The following NAV2 variants were observed in gnomAD, a reference collection of about 807,000 sequenced individuals.
NAV2 encodes helicase, APC down-regulated 1.
Under a neutral mutation model 223.2 loss-of-function variants are expected in NAV2, and 54 were observed. The ratio of observed to expected loss-of-function variants is 0.24; its 90% CI spans 0.19 to 0.30. The LOEUF is 0.30. Among genes scored for constraint, NAV2 ranks in the 10% least tolerant of loss-of-function variants. The probability of loss-of-function intolerance (pLI) is 1.00; values close to 1 mark genes in which losing one functional copy is unlikely to be tolerated. For synonymous variants in NAV2, 1,279 were observed against 1,239.3 expected, an observed-to-expected ratio of 1.03 and a Z score of -0.67; for missense variants, 2,806 against 3,147.5, an observed-to-expected ratio of 0.89 and a Z score of 2.60.
chr11:19,379,194 G>A (rs1291930969), intron 1 of NAV2, among the ~76,000 whole-genome samples: 1 of 152,180 alleles, frequency 6.6e-6, no homozygotes, highest in Non-Finnish European at 1.5e-5. Flanking sequence ...GAAACTTGCA[G>A]TGTGGCTCAG....
intron 1 of NAV2, among the ~76,000 whole-genome samples, chr11:19,529,809 C>A (rs2082728656): frequency 6.6e-6 from 1 of 152,174 alleles, no homozygotes; most frequent in Non-Finnish European, 1.5e-5. Context: ...GGGCCTCCTG[C>A]CCTACATAGG....
At chr11:19,742,067 C>T (rs1295376101) in intron 1 of NAV2, among the ~76,000 whole-genome samples, 1 of 152,104 alleles carries the variant, frequency 6.6e-6, no homozygotes, top group Non-Finnish European at 1.5e-5. Flanking sequence ...ATATCTGCAT[C>T]TCACTATAGT....
intron 20 of NAV2, among the ~76,000 whole-genome samples, chr11:20,064,913 A>C (rs909999509): frequency 6.6e-6 from 1 of 152,170 alleles, no homozygotes; most frequent in African/African-American, 2.4e-5. Context: ...TCAGGAAACC[A>C]AGCAAGGTGA....
At chr11:20,067,885 T>G (rs1158753387) in intron 20 of NAV2, among the ~76,000 whole-genome samples, 1 of 152,062 alleles carries the variant, frequency 6.6e-6, no homozygotes, top group East Asian at 1.9e-4. Context: ...TTATCACATA[T>G]CTTCTTCTGA....
chr11:19,555,803 A>G (rs1218728939), intron 1 of NAV2, among the ~76,000 whole-genome samples: 1 of 152,114 alleles, frequency 6.6e-6, no homozygotes, highest in Non-Finnish European at 1.5e-5. Flanking sequence ...CTCTGCTCCC[A>G]TGGTGCCTGG....
chr11:19,466,185 C>T (rs1046660879), intron 1 of NAV2, among the ~76,000 whole-genome samples: 2 of 152,170 alleles, frequency 1.3e-5, no homozygotes, highest in African/African-American at 4.8e-5. Context: ...TTATAAAAGC[C>T]TTGTCTCTGT....
At chr11:19,598,023 G>A (rs2046251526) in intron 1 of NAV2, among the ~76,000 whole-genome samples, 1 of 152,248 alleles carries the variant, frequency 6.6e-6, no homozygotes, top group Non-Finnish European at 1.5e-5. Flanking sequence ...TATGACCCAT[G>A]CCAATGGCAT....
In NAV2 at chr11:20,119,711, A is replaced by G. The variant is rs1464406904; in HGVS notation, c.*1453A>G. 6.6e-6 allele frequency: 1 copy of G among 152,434 alleles called. No homozygotes were observed. The highest frequency in any genetic ancestry group is 1.5e-5 in the Non-Finnish European group (1 of 68,012). 9.4% of individuals were successfully genotyped at this position (152,434 alleles called of 1,614,324 possible). ...TGTTTTTTTTGTCATTGTTTTCCCC[A>G]TTGAAACAAACAGGGCTAAAAAGTC... is the stretch of plus-strand genomic sequence containing the variant. On this transcript the variant is annotated 3_prime_UTR_variant, in exon 38 of 38. Transcript: ENST00000349880.
At chr11:19,509,039 C>G (rs757158050) in intron 1 of NAV2, among the ~76,000 whole-genome samples, 2 of 152,230 alleles carry the variant, frequency 1.3e-5, no homozygotes, top group African/African-American at 2.4e-5. Flanking sequence ...GCTTGTGTTT[C>G]TCATTGTATC....
At chr11:19,969,852 A>G (rs978609557) in intron 10 of NAV2, among the ~76,000 whole-genome samples, 3 of 151,968 alleles carry the variant, frequency 2.0e-5, no homozygotes, top group Non-Finnish European at 4.4e-5. Flanking sequence ...AGGCTGAGGC[A>G]GGAGAATGGC....
intron 1 of NAV2, among the ~76,000 whole-genome samples, chr11:19,777,244 C>T (rs1220794022): frequency 6.6e-6 from 1 of 151,508 alleles, no homozygotes; most frequent in African/African-American, 2.4e-5. Context: ...AGCTGGGCAG[C>T]GCGGGCGCCG....
At chr11:19,653,557 T>C (rs916211485) in intron 1 of NAV2, among the ~76,000 whole-genome samples, 1 of 152,216 alleles carries the variant, frequency 6.6e-6, no homozygotes, top group African/African-American at 2.4e-5. Flanking sequence ...AGGCAGAGAC[T>C]GGCATCAAAA....
At chr11:19,869,783 C>T (rs960633006) in intron 4 of NAV2, among the ~76,000 whole-genome samples, 2 of 152,190 alleles carry the variant, frequency 1.3e-5, no homozygotes, top group African/African-American at 4.8e-5. Flanking sequence ...AGTGAGACTG[C>T]TTTTTGAAAG....
chr11:19,958,265 T>C (rs2048053668), intron 10 of NAV2, among the ~76,000 whole-genome samples: 1 of 152,184 alleles, frequency 6.6e-6, no homozygotes, highest in South Asian at 2.1e-4. Flanking sequence ...TAAAATCCCG[T>C]GTAAAAAGTG....
At chr11:19,833,281 G>A (rs2060050956) in intron 2 of NAV2, among the ~76,000 whole-genome samples, 1 of 152,194 alleles carries the variant, frequency 6.6e-6, no homozygotes, top group South Asian at 2.1e-4. Flanking sequence ...CCTGATTATT[G>A]TTACTGGTAG....
At chr11:19,507,818 CA>C (rs2043168674) in intron 1 of NAV2, among the ~76,000 whole-genome samples, 1 of 152,128 alleles carries the variant, frequency 6.6e-6, no homozygotes, top group East Asian at 1.9e-4. Flanking sequence ...ACAACCCTAT[CA>C]GTGAGTCCAT....
chr11:19,777,816 C>T (rs1350529729), intron 1 of NAV2: 3 of 453,102 alleles, frequency 6.6e-6, no homozygotes, highest in Non-Finnish European at 1.3e-5. Context: ...TTGGATTGCA[C>T]ACGCTGGGAT....
chr11:19,869,213 C>A (rs1406835619), intron 4 of NAV2, among the ~76,000 whole-genome samples: 1 of 152,150 alleles, frequency 6.6e-6, no homozygotes, highest in Non-Finnish European at 1.5e-5. Flanking sequence ...TCTGCAAGAC[C>A]CTGAGAGGGT....
Position 20,055,767 on chromosome 11 carries a change from A to T in NAV2, c.4643-2A>T. ...CTTTTGATTCTATTCCTTTTATTCC[A>T]GCGAGTCCCACCACTGTCACCCAGA... On this transcript the variant is annotated splice_acceptor_variant, in intron 18 of 37. Transcript: ENST00000349880. LOFTEE classifies it high-confidence loss of function. 6.2e-7 allele frequency: 1 copy of T among 1,613,224 alleles called. No homozygotes were observed. The highest frequency in any genetic ancestry group is 1.3e-5 in the African/African-American group (1 of 75,014).
Sources: gnomAD v4.1 joint callset for allele counts (sites outside exome capture counted in the v4.1 genomes callset) on GRCh38, gnomAD v4.1.1 for gene constraint, MANE v1.5 for transcripts, NCBI Gene and HGNC (gene_info 2026-07-23, HGNC 2026-07-21) for gene names.